SUMF1: variants seen among roughly 807,000 people sequenced by gnomAD.
SUMF1 encodes sulfatase modifying factor 1.
In SUMF1, 48 loss-of-function variants were observed where a neutral mutation model predicts 47.6. The observed-to-expected ratio is 1.01, with a 90% CI of 0.80 to 1.28. The LOEUF (loss-of-function observed/expected upper bound fraction) is 1.28. Ranked by LOEUF, SUMF1 falls within the 50% of genes most tolerant of loss-of-function variation. The pLI is 0.00. For synonymous variants in SUMF1, 230 were observed against 192.1 expected, an observed-to-expected ratio of 1.20 and a Z score of -1.63; for missense variants, 571 against 485.4, an observed-to-expected ratio of 1.18 and a Z score of -1.66.
intron 8 of SUMF1, among the ~76,000 whole-genome samples, chr3:4,190,077 T>C (rs1695283058): frequency 6.6e-6 from 1 of 152,102 alleles, no homozygotes; most frequent in Non-Finnish European, 1.5e-5. Context: ...CTTTTAGTTC[T>C]GCCATAGAAA....
chr3:4,110,174 T>C (rs1488655432), intron 8 of SUMF1, among the ~76,000 whole-genome samples: 1 of 152,070 alleles, frequency 6.6e-6, no homozygotes, highest in African/African-American at 2.4e-5. Flanking sequence ...GTTGCTGGAG[T>C]TTGCTGGAGG....
At chr3:4,390,717 G>A (rs1700833747) in intron 7 of SUMF1, among the ~76,000 whole-genome samples, 1 of 152,072 alleles carries the variant, frequency 6.6e-6, no homozygotes, top group African/African-American at 2.4e-5. Context: ...TGAGTATCTG[G>A]GACTACAAGC....
chr3:4,330,650 C>G (rs1699031475), intron 8 of SUMF1, among the ~76,000 whole-genome samples: 1 of 152,188 alleles, frequency 6.6e-6, no homozygotes, highest in African/African-American at 2.4e-5. Flanking sequence ...ACAGCCAAAC[C>G]AAATCAGACA....
At chr3:4,113,076 G>A (rs1035739101) in intron 8 of SUMF1, among the ~76,000 whole-genome samples, 2 of 152,100 alleles carry the variant, frequency 1.3e-5, no homozygotes, top group African/African-American at 4.8e-5. Flanking sequence ...AAAAATAATT[G>A]TAAATATTTT....
At chr3:4,401,630 C>A (rs1012102330) in intron 7 of SUMF1, among the ~76,000 whole-genome samples, 1 of 152,124 alleles carries the variant, frequency 6.6e-6, no homozygotes, top group African/African-American at 2.4e-5. Flanking sequence ...TAGGGCCCCA[C>A]GACATTTTAA....
At position 4,439,855 on chromosome 3, in the gene SUMF1, GA is replaced by G. The variant is rs556954276; in HGVS notation, c.519+9410del. On this transcript the variant is annotated intron_variant, in intron 3 of 8. Transcript: ENST00000272902. ...GGCAGAAGCCACTGCACCCAGCCAA[GA>G]AAAAAAACTCTTAAAGCAGAATTGA... is the stretch of plus-strand genomic sequence containing the variant. Among the ~76,000 whole-genome samples the G allele has an allele frequency of 2.0e-4, 30 of 151,496 alleles. 1 individual carries two copies. The South Asian group carries it at 5.6e-3, about 28-fold the overall frequency.
chr3:4,345,291 C>T (rs1203086960), intron 8 of SUMF1, among the ~76,000 whole-genome samples: 1 of 152,164 alleles, frequency 6.6e-6, no homozygotes, highest in Non-Finnish European at 1.5e-5. Flanking sequence ...ACAGAAAGGT[C>T]AGGTTACCCA....
At chr3:4,270,303 C>G (rs960579367) in intron 8 of SUMF1, among the ~76,000 whole-genome samples, 1 of 152,088 alleles carries the variant, frequency 6.6e-6, no homozygotes, top group Non-Finnish European at 1.5e-5. Flanking sequence ...TCTCCATCTG[C>G]AAGAAAACAA....
At chr3:4,043,448 C>CA (rs906631094) in intron 9 of SUMF1, among the ~76,000 whole-genome samples, 1 of 152,098 alleles carries the variant, frequency 6.6e-6, no homozygotes, top group Non-Finnish European at 1.5e-5. Flanking sequence ...CACAGGCTGC[C>CA]AAAAACTTTT....
chr3:4,366,016 C>G (rs1040602804), intron 8 of SUMF1, among the ~76,000 whole-genome samples: 40 of 151,862 alleles, frequency 2.6e-4, no homozygotes, highest in African/African-American at 7.5e-4. Context: ...GTTGAAAATT[C>G]TTTTCTTTAA....
At chr3:4,281,129 A>C (rs1697521006) in intron 8 of SUMF1, among the ~76,000 whole-genome samples, 1 of 152,118 alleles carries the variant, frequency 6.6e-6, no homozygotes, top group Non-Finnish European at 1.5e-5. Context: ...AAAACCATAT[A>C]CAATGAAACT....
intron 8 of SUMF1, among the ~76,000 whole-genome samples, chr3:4,199,775 G>A (rs1270358925): frequency 6.6e-6 from 1 of 151,974 alleles, no homozygotes; most frequent in Non-Finnish European, 1.5e-5. Flanking sequence ...GATCTTTTCT[G>A]GTGAAGTGTC....
At chr3:4,119,196 G>A (rs536518438) in intron 8 of SUMF1, among the ~76,000 whole-genome samples, 3 of 152,018 alleles carry the variant, frequency 2.0e-5, no homozygotes, top group South Asian at 2.1e-4. Flanking sequence ...TGCTCTCTCC[G>A]CCTACATTGT....
chr3:4,444,280 G>GAA (rs1702705422), intron 3 of SUMF1, among the ~76,000 whole-genome samples: 1 of 152,120 alleles, frequency 6.6e-6, no homozygotes. Flanking sequence ...AAAACTCAGG[G>GAA]CATATTGTTC....
intron 8 of SUMF1, among the ~76,000 whole-genome samples, chr3:4,331,706 T>G (rs1022998589): frequency 7.2e-5 from 11 of 152,156 alleles, no homozygotes; most frequent in Admixed American, 5.2e-4. Context: ...GGCACACACC[T>G]GTAATCCCAG....
intron 8 of SUMF1, among the ~76,000 whole-genome samples, chr3:4,278,110 G>T (rs911612442): frequency 2.6e-4 from 39 of 151,774 alleles, no homozygotes; most frequent in African/African-American, 8.2e-4. Flanking sequence ...GATATTTTTG[G>T]CACGTTTATT....
chr3:4,122,963 A>G (rs1454265946), intron 8 of SUMF1, among the ~76,000 whole-genome samples: 2 of 152,152 alleles, frequency 1.3e-5, no homozygotes, highest in Non-Finnish European at 2.9e-5. Context: ...CAACAAATCC[A>G]TTCACTCTAC....
intron 8 of SUMF1, chr3:4,068,853 A>T (rs1695446305): frequency 4.4e-6 from 1 of 227,792 alleles, no homozygotes; most frequent in Non-Finnish European, 9.1e-6. Context: ...AACTTACAGA[A>T]CTTAATTCTT....
chr3:4,135,852 T>C (rs141403685), intron 8 of SUMF1, among the ~76,000 whole-genome samples: 57 of 152,204 alleles, frequency 3.7e-4, no homozygotes, highest in African/African-American at 1.3e-3. Flanking sequence ...GAGAGCCAAA[T>C]CATCAGTGAA....
Sources: allele counts gnomAD v4.1 joint callset (sites outside exome capture counted in the v4.1 genomes callset), GRCh38; gene constraint gnomAD v4.1.1; transcripts MANE v1.5; gene names NCBI Gene and HGNC (gene_info 2026-07-23, HGNC 2026-07-21).